The following KMT2C variants were observed in gnomAD, a reference collection of about 807,000 sequenced individuals.
KMT2C encodes the protein lysine methyltransferase 2C, also known as histone-lysine N-methyltransferase 2C.
Under a neutral mutation model 507.9 loss-of-function variants are expected in KMT2C, and 88 were observed. The observed-to-expected ratio is 0.17, with a 90% CI of 0.15 to 0.21. The LOEUF is 0.21. Among genes scored for constraint, KMT2C ranks in the 10% least tolerant of loss-of-function variants. The probability of loss-of-function intolerance (pLI) is 1.00; values close to 1 mark genes in which losing one functional copy is unlikely to be tolerated. For synonymous variants in KMT2C, 2,049 were observed against 2,080.8 expected (o/e 0.98, Z 0.42); for missense variants, 4,954 against 5,957.8 (o/e 0.83, Z 5.55).
intron 1 of KMT2C, among the ~76,000 whole-genome samples, chr7:152,400,342 G>GT (rs773419343): frequency 1.3e-5 from 2 of 152,078 alleles, no homozygotes; most frequent in Non-Finnish European, 2.9e-5. Context: ...CACTAAAGCC[G>GT]TAACATGAAA....
intron 1 of KMT2C, chr7:152,366,861 T>G (rs2097250560): frequency 3.3e-6 from 1 of 306,844 alleles, no homozygotes; most frequent in South Asian, 5.0e-5. Flanking sequence ...CTTCCCGGCC[T>G]GCAGAGCCGG....
intron 44 of KMT2C, among the ~76,000 whole-genome samples, chr7:152,156,752 G>A (rs999859379): frequency 6.6e-6 from 1 of 152,058 alleles, no homozygotes; most frequent in Non-Finnish European, 1.5e-5. Context: ...CTAGTTCTAT[G>A]AAAAACTTAA....
chr7:152,244,728 GAAAACAA>G (rs1309564167), intron 14 of KMT2C, among the ~76,000 whole-genome samples: 1 of 151,794 alleles, frequency 6.6e-6, no homozygotes, highest in East Asian at 1.9e-4. Flanking sequence ...CAATAGGCAA[GAAAACAA>G]AAAACAAAAG....
intron 1 of KMT2C, among the ~76,000 whole-genome samples, chr7:152,397,007 TTAAC>T (rs1418051205): frequency 6.6e-6 from 1 of 152,174 alleles, no homozygotes; most frequent in African/African-American, 2.4e-5. Flanking sequence ...GGGGAATGGT[TTAAC>T]TAATCAGAGG....
chr7:152,179,365 G>A (rs2093346592), intron 37 of KMT2C, among the ~76,000 whole-genome samples: 1 of 152,226 alleles, frequency 6.6e-6, no homozygotes, highest in African/African-American at 2.4e-5. Flanking sequence ...TCACATCGTA[G>A]GAGGCTTTGC....
intron 27 of KMT2C, among the ~76,000 whole-genome samples, chr7:152,196,966 T>TG (rs1563352153): frequency 6.6e-6 from 1 of 152,158 alleles, no homozygotes; most frequent in African/African-American, 2.4e-5. Flanking sequence ...TTAGAGATTA[T>TG]GGGGAAGACT....
chr7:152,351,422 A>C (rs1020279534), intron 2 of KMT2C, among the ~76,000 whole-genome samples: 1 of 152,200 alleles, frequency 6.6e-6, no homozygotes, highest in East Asian at 1.9e-4. Flanking sequence ...CAGCTATGAC[A>C]TATTGAGGTG....
At chr7:152,330,802 A>C in intron 2 of KMT2C, 63 bp from the exon 3 acceptor site, 3 of 1,438,030 alleles carry the variant, frequency 2.1e-6, no homozygotes, top group Non-Finnish European at 2.9e-6. Flanking sequence ...ATCACTGGTG[A>C]ATGTATCTAT....
Position 152,248,470 on chromosome 7 carries a change from A to G in KMT2C, c.1964T>C (p.Val655Ala). Residue 655 changes from valine to alanine, a missense_variant, in exon 14 of 59, where the codon GTC (valine) becomes GCC (alanine). Val to Ala is a moderately conservative substitution (Grantham distance 64). Transcript: ENST00000262189. ...DKMEVTENIE[V>A]VTHQITVQQE... is the part of the protein sequence containing the mutation. ...CTGCACAGTGATCTGGTGTGTAACG[A>G]CTTCAATGTTTTCTGTCACTTCCAT... 1.2e-6 allele frequency: 2 copies of G among 1,614,022 alleles called. No homozygotes were observed. The highest frequency in any genetic ancestry group is 1.7e-6 in the Non-Finnish European group (2 of 1,179,988).
intron 6 of KMT2C, among the ~76,000 whole-genome samples, chr7:152,274,139 C>T (rs1588795294): frequency 6.6e-6 from 1 of 151,738 alleles, no homozygotes; most frequent in East Asian, 1.9e-4. Flanking sequence ...ATTTTTGAAA[C>T]AAAACCTAAA....
rs2129118044 is a variant in KMT2C, at chr7:152,179,918, G to A, written c.7358C>T (p.Pro2453Leu). The A allele has an allele frequency of 6.2e-7, 1 of 1,614,058 alleles. No homozygotes were observed. The highest frequency in any genetic ancestry group is 8.5e-7 in the Non-Finnish European group (1 of 1,179,956). The change falls in exon 37 of 59, where the codon CCT becomes CTT. Residue 2453 changes from proline (P) to leucine (L), a missense_variant. By Grantham distance (98) the Pro-to-Leu change is moderately conservative. Around this residue, in one of 29 missense-constraint regions of KMT2C, gnomAD observed 1,689 missense variants for 1,654.3 expected, o/e 1.02. Coordinates refer to ENST00000262189, the MANE Select transcript of KMT2C (RefSeq NM_170606.3). ...ATCTTTTGGGAAAACAGCATATCTA[G>A]GTCCTAAAGGAGGGGCAACAGGAGA... Reference protein sequence around the residue: ...IRSPVAPPLGPRYAVFPKDQR... With the variant: ...IRSPVAPPLGLRYAVFPKDQR...
chr7:152,163,565 T>G lies in KMT2C; in HGVS notation c.10012A>C (p.Asn3338His). ...RMPSLPGWQP[N>H]SAPAHLPLNP... ...AGGGGCAGGTGGGCAGGAGCACTGT[T>G]GGGTTGCCATCCAGGTAAACTGGGC... The change falls in exon 43 of 59, where the codon AAC (asparagine) becomes CAC (histidine). Residue 3338 changes from asparagine to histidine, a missense_variant. By Grantham distance (68) the Asn-to-His change is moderately conservative (BLOSUM62 1). This residue lies in a region of KMT2C where 801 missense variants were observed against 751.2 expected (regional missense o/e 1.07). Transcript: ENST00000262189. The G allele has an allele frequency of 6.2e-7, 1 of 1,607,194 alleles. No individual in the cohort carries two copies. The highest frequency in any genetic ancestry group is 1.1e-5 in the South Asian group (1 of 90,098).
intron 1 of KMT2C, among the ~76,000 whole-genome samples, chr7:152,379,496 C>T (rs1382152873): frequency 6.6e-6 from 1 of 151,630 alleles, no homozygotes; most frequent in African/African-American, 2.4e-5. Flanking sequence ...CGAGATCATG[C>T]CACTGCACTC....
intron 9 of KMT2C, among the ~76,000 whole-genome samples, chr7:152,260,579 A>G (rs75764290): frequency 1.3e-5 from 2 of 150,392 alleles, no homozygotes; most frequent in African/African-American, 4.9e-5. Flanking sequence ...TAAATTTTTT[A>G]AAGTTAAGAT....
intron 7 of KMT2C, among the ~76,000 whole-genome samples, chr7:152,271,204 C>A (rs1365341707): frequency 3.3e-5 from 5 of 152,238 alleles, no homozygotes; most frequent in African/African-American, 1.2e-4. Context: ...TAAAAATTAA[C>A]TTCTGCCATG....
chr7:152,395,364 C>T (rs536356423), intron 1 of KMT2C, among the ~76,000 whole-genome samples: 1 of 151,810 alleles, frequency 6.6e-6, no homozygotes, highest in African/African-American at 2.4e-5. Context: ...TTCCCCCCCC[C>T]AGTTAGAGAC....
intron 6 of KMT2C, among the ~76,000 whole-genome samples, chr7:152,279,524 T>A (rs560039776): frequency 2.2e-4 from 34 of 152,310 alleles, no homozygotes; most frequent in South Asian, 1.7e-3. Context: ...CTTTAGAAAA[T>A]GAAATAAAGC....
intron 6 of KMT2C, among the ~76,000 whole-genome samples, chr7:152,295,739 C>T (rs143475132): frequency 1.4e-3 from 208 of 152,308 alleles, no homozygotes; most frequent in Non-Finnish European, 1.1e-3. Flanking sequence ...GCCATCATGG[C>T]TGTCTCAACT....
intron 43 of KMT2C, among the ~76,000 whole-genome samples, chr7:152,160,669 A>G (rs1252923274): frequency 6.8e-5 from 10 of 148,014 alleles, no homozygotes; most frequent in Non-Finnish European, 3.0e-5. Flanking sequence ...ATAGATGTAT[A>G]TATTTATATA....
Sources: gnomAD v4.1 joint callset for allele counts (sites outside exome capture counted in the v4.1 genomes callset) on GRCh38, gnomAD v4.1.1 for gene constraint, gnomAD v4.1.1 regional missense constraint, MANE v1.5 for transcripts, NCBI Gene and HGNC (gene_info 2026-07-23, HGNC 2026-07-21) for gene names.